The following PLCE1 variants were observed in gnomAD, a reference collection of about 807,000 sequenced individuals.
PLCE1 encodes 1-phosphatidylinositol 4,5-bisphosphate phosphodiesterase epsilon-1.
PLCE1 carries 119 observed loss-of-function variants against 242.8 expected under a neutral mutation model. The ratio of observed to expected loss-of-function variants is 0.49; its 90% CI spans 0.42 to 0.57. PLCE1 has a LOEUF of 0.57. Among genes scored for constraint, PLCE1 ranks in the 20% least tolerant of loss-of-function variants. The pLI is 0.00. For synonymous variants in PLCE1, 945 were observed against 1,017.4 expected (o/e 0.93, Z 1.35); for missense variants, 2,441 against 2,788.8 (o/e 0.88, Z 2.81).
Position 94,273,579 on chromosome 10 carries a change from G to A in PLCE1, c.4524G>A (p.Lys1508=). ...AEIFKTVFGE[K]LVTKFLFETD... ...CTTTTTAGACTGTGTTTGGAGAAAA[G>A]CTGGTGACTAAATTCTTATTTGAGA... Residue 1508 remains lysine (K), a synonymous_variant, in exon 19 of 33, where the codon AAG becomes AAA. Transcript: ENST00000371380. The A allele has an allele frequency of 1.2e-6, 2 of 1,613,856 alleles. No individual in the cohort carries two copies. Among genetic ancestry groups the A allele is most frequent in the Middle Eastern group, 1.7e-4 (1 of 6,052 alleles).
chr10:94,134,875 A>G (rs568167948), intron 3 of PLCE1, among the ~76,000 whole-genome samples: 1 of 152,276 alleles, frequency 6.6e-6, no homozygotes, highest in South Asian at 2.1e-4. Context: ...AAGAGTTGGA[A>G]GTTTCTTTAA....
At chr10:94,063,280 A>G (rs375782712) in intron 2 of PLCE1, among the ~76,000 whole-genome samples, 7 of 152,166 alleles carry the variant, frequency 4.6e-5, no homozygotes, top group Admixed American at 2.6e-4. Flanking sequence ...TCTGTGGGAA[A>G]GGGGGGAATT....
At chr10:94,263,866 T>C (rs78350080) in intron 14 of PLCE1, among the ~76,000 whole-genome samples, 3,522 of 152,280 alleles carry the variant, frequency 0.023, 87 homozygotes, top group African/African-American at 0.066. Context: ...GGTCCCAGGC[T>C]TTCTCTAACT....
At chr10:94,039,566 A>G (rs2061728405) in intron 2 of PLCE1, among the ~76,000 whole-genome samples, 1 of 152,012 alleles carries the variant, frequency 6.6e-6, no homozygotes, top group South Asian at 2.1e-4. Context: ...TTATATTTTT[A>G]GTAGAGACAG....
intron 8 of PLCE1, among the ~76,000 whole-genome samples, chr10:94,251,753 T>C (rs983587842): frequency 6.6e-6 from 1 of 152,138 alleles, no homozygotes; most frequent in Non-Finnish European, 1.5e-5. Flanking sequence ...ATGGGCTCCC[T>C]ATCTTTAGAT....
chr10:94,098,798 A>G (rs955340402), intron 2 of PLCE1, among the ~76,000 whole-genome samples: 1 of 152,232 alleles, frequency 6.6e-6, no homozygotes, highest in Admixed American at 6.5e-5. Flanking sequence ...CAGGCATAAA[A>G]TTGTTAGGTA....
intron 29 of PLCE1, among the ~76,000 whole-genome samples, chr10:94,320,004 C>T (rs1411550964): frequency 6.6e-6 from 1 of 151,420 alleles, no homozygotes; most frequent in African/African-American, 2.4e-5. Flanking sequence ...TAAGGGTGCT[C>T]TCTTAAAAAT....
At chr10:94,017,078 T>TC (rs1489948114) in intron 1 of PLCE1, among the ~76,000 whole-genome samples, 15 of 152,298 alleles carry the variant, frequency 9.8e-5, no homozygotes, top group African/African-American at 2.6e-4. Context: ...CACCTGCATT[T>TC]CCCTTGACCT....
chr10:94,222,442 C>T (rs1480617548), intron 4 of PLCE1, among the ~76,000 whole-genome samples: 7 of 152,184 alleles, frequency 4.6e-5, no homozygotes, highest in African/African-American at 4.8e-5. Context: ...GCTGCTTACC[C>T]GTGAGCATAG....
chr10:94,159,369 C>CT (rs1382205631), intron 3 of PLCE1, among the ~76,000 whole-genome samples: 1 of 152,148 alleles, frequency 6.6e-6, no homozygotes, highest in Admixed American at 6.5e-5. Flanking sequence ...CATCACTTCC[C>CT]TGTTGAAAGC....
chr10:94,314,637 A>G (rs1240790328), intron 28 of PLCE1, among the ~76,000 whole-genome samples: 1 of 152,122 alleles, frequency 6.6e-6, no homozygotes, highest in African/African-American at 2.4e-5. Flanking sequence ...GGAGTAGACT[A>G]AAGGAAGCAA....
rs1564904781 is a variant in PLCE1, at chr10:94,329,062, T to A, written c.*1119T>A. 6.6e-6 allele frequency: 1 copy of A among 152,196 alleles called. No homozygotes were observed. 9.4% of individuals were successfully genotyped at this position (152,196 alleles called of 1,614,324 possible). Reference sequence around the variant, plus strand: ...TTGATATTGCCATGGATTAGAAGCATTAGTTCTCAGTACTTGAAGACAAAC... The same window carrying A: ...TTGATATTGCCATGGATTAGAAGCAATAGTTCTCAGTACTTGAAGACAAAC... On this transcript the variant is annotated 3_prime_UTR_variant, in exon 33 of 33. Transcript: ENST00000371380.
chr10:94,111,261 G>T (rs2045946004), intron 2 of PLCE1, among the ~76,000 whole-genome samples: 1 of 152,202 alleles, frequency 6.6e-6, no homozygotes, highest in South Asian at 2.1e-4. Flanking sequence ...TGCAGGGTGG[G>T]ATTCAGTGGG....
chr10:94,229,359 A>G (rs757899790), intron 5 of PLCE1, among the ~76,000 whole-genome samples: 3 of 152,212 alleles, frequency 2.0e-5, no homozygotes, highest in Non-Finnish European at 2.9e-5. Flanking sequence ...TGACCCCACA[A>G]CATGACTGCC....
intron 7 of PLCE1, 65 bp from the exon 8 acceptor site, chr10:94,245,881 A>G: frequency 1.5e-6 from 2 of 1,301,784 alleles, no homozygotes; most frequent in South Asian, 1.2e-5. Context: ...AGTGTCAGTG[A>G]AAATGTCTTT....
intron 2 of PLCE1, among the ~76,000 whole-genome samples, chr10:94,078,412 G>A (rs1239592867): frequency 6.6e-6 from 1 of 152,082 alleles, no homozygotes; most frequent in Non-Finnish European, 1.5e-5. Context: ...TTTTCAGGTC[G>A]CAATTCTTGC....
intron 2 of PLCE1, among the ~76,000 whole-genome samples, chr10:94,092,585 T>G (rs538170618): frequency 7.2e-6 from 1 of 139,346 alleles, no homozygotes; most frequent in African/African-American, 2.7e-5. Context: ...TAAGGAGCAT[T>G]CTATAAGAAA....
intron 7 of PLCE1, among the ~76,000 whole-genome samples, chr10:94,242,580 G>A (rs986177547): frequency 1.3e-5 from 2 of 152,112 alleles, no homozygotes; most frequent in East Asian, 3.8e-4. Flanking sequence ...CATAGTGCTG[G>A]GATTACAGAT....
At chr10:94,327,917 C>CAAAATGAAGAAA in intron 32 of PLCE1, 51 bp from the exon 33 acceptor site, 4 of 511,378 alleles carry the variant, frequency 7.8e-6, no homozygotes, top group Non-Finnish European at 1.6e-5. Context: ...GCAAGTGTTT[C>CAAAATGAAGAAA]TGTTTCTTCA....
Sources: allele counts gnomAD v4.1 joint callset (sites outside exome capture counted in the v4.1 genomes callset), GRCh38; gene constraint gnomAD v4.1.1; transcripts MANE v1.5; gene names NCBI Gene and HGNC (gene_info 2026-07-23, HGNC 2026-07-21).